MPPED1: variants seen among roughly 807,000 people sequenced by gnomAD.
MPPED1 encodes metallophosphoesterase domain-containing protein 1.
Under a neutral mutation model 36.2 loss-of-function variants are expected in MPPED1, and 16 were observed. That is an observed-to-expected ratio of 0.44 (90% CI 0.30 to 0.67). The LOEUF (loss-of-function observed/expected upper bound fraction) is 0.67, where lower values mean the gene tolerates loss of function less well. Ranked by LOEUF, MPPED1 falls within the 30% of genes least tolerant of loss-of-function variation. The pLI is 0.10. For missense variants in MPPED1, 307 were observed against 453.4 expected (o/e 0.68, Z 2.93); for synonymous variants, 199 against 191.3 (o/e 1.04, Z -0.33).
At chr22:43,481,207 G>A (rs1420623513) in intron 4 of MPPED1, among the ~76,000 whole-genome samples, 1 of 152,134 alleles carries the variant, frequency 6.6e-6, no homozygotes, top group East Asian at 1.9e-4. Context: ...TTGTGTTGAT[G>A]GTGTGAGATA....
intron 2 of MPPED1, 27 bp downstream of exon 2, chr22:43,425,236 G>GGGGGT: frequency 6.4e-7 from 1 of 1,568,412 alleles, no homozygotes; most frequent in Non-Finnish European, 8.7e-7. Flanking sequence ...GGGTGGGGGT[G>GGGGGT]GGGGCGGTGA....
intron 1 of MPPED1, among the ~76,000 whole-genome samples, chr22:43,421,916 T>C (rs1396257177): frequency 6.6e-6 from 1 of 152,212 alleles, no homozygotes; most frequent in Non-Finnish European, 1.5e-5. Flanking sequence ...CTCTACAAGG[T>C]AGGGACTGTT....
intron 2 of MPPED1, among the ~76,000 whole-genome samples, chr22:43,429,575 C>T (rs1163915815): frequency 6.6e-6 from 1 of 152,282 alleles, no homozygotes; most frequent in Admixed American, 6.5e-5. Context: ...CGCTCCAGCT[C>T]TAGGTGCTCA....
At chr22:43,435,254 C>T (rs1317871907) in intron 3 of MPPED1, 39 bp downstream of exon 3, 1 of 1,567,696 alleles carries the variant, frequency 6.4e-7, no homozygotes, top group Admixed American at 1.8e-5. Flanking sequence ...CTGTGCTGAG[C>T]AGGAAGGGGG....
chr22:43,437,339 A>G (rs1389100053), intron 3 of MPPED1, among the ~76,000 whole-genome samples: 3 of 152,150 alleles, frequency 2.0e-5, no homozygotes, highest in Non-Finnish European at 2.9e-5. Flanking sequence ...TACCCTTCGC[A>G]TGTATTAGTA....
chr22:43,484,827 T>C (rs561699228), intron 4 of MPPED1, among the ~76,000 whole-genome samples: 290 of 152,188 alleles, frequency 1.9e-3, no homozygotes, highest in Middle Eastern at 0.01. Flanking sequence ...GTACGTGCCA[T>C]GGATGAGGGG....
At chr22:43,438,010 A>C (rs368427469) in intron 3 of MPPED1, among the ~76,000 whole-genome samples, 2 of 152,120 alleles carry the variant, frequency 1.3e-5, no homozygotes, top group East Asian at 3.9e-4. Context: ...AAGAGACTGG[A>C]AAGAAACATT....
At chr22:43,415,251 A>C (rs1929040803) in intron 1 of MPPED1, among the ~76,000 whole-genome samples, 1 of 148,998 alleles carries the variant, frequency 6.7e-6, no homozygotes, top group Admixed American at 6.7e-5. Flanking sequence ...AAAAAAAGGA[A>C]AGAAACAAAA....
chr22:43,428,536 G>T (rs76990831), intron 2 of MPPED1, among the ~76,000 whole-genome samples: 4,625 of 152,298 alleles, frequency 0.03, 272 homozygotes, highest in African/African-American at 0.11. Flanking sequence ...TCCCAGGAGC[G>T]GTGGGGGGAT....
At chr22:43,500,584 C>A (rs2146926476) in intron 5 of MPPED1, among the ~76,000 whole-genome samples, 1 of 152,034 alleles carries the variant, frequency 6.6e-6, no homozygotes, top group Non-Finnish European at 1.5e-5. Context: ...TCCCTCAGTC[C>A]TCTGAATGAA....
Position 43,463,815 on chromosome 22 carries a change from C to CTTTCTTTT in MPPED1, c.407-10914_407-10913insTTTTCTTT, listed in dbSNP as rs1377538955. ...TGATTTTTCATTTTTTCTTTTCTTT[C>CTTTCTTTT]TTTCTTTCTTTCTTTCTTTCTTTCT... On this transcript the variant is annotated intron_variant, in intron 3 of 6. Coordinates refer to ENST00000443721, the MANE Select transcript of MPPED1 (RefSeq NM_001044370.2). Among the ~76,000 whole-genome samples, 110 of 47,982 alleles carry CTTTCTTTT rather than the reference C, an allele frequency of 2.3e-3. 1 individual carries two copies. The highest frequency in any genetic ancestry group is 5.1e-3 in the African/African-American group (57 of 11,186). The allele number at this position is 47,982 out of a possible 152,430, so 31.5% of individuals were successfully genotyped here.
chr22:43,462,738 C>T (rs552812448), intron 3 of MPPED1, among the ~76,000 whole-genome samples: 2 of 152,292 alleles, frequency 1.3e-5, no homozygotes, highest in African/African-American at 4.8e-5. Context: ...AGGCTTACCT[C>T]CTGGAGCCTC....
intron 3 of MPPED1, among the ~76,000 whole-genome samples, chr22:43,446,429 ATGGGGAAGGGCCGGACCCTC>A (rs1569072649): frequency 1.3e-5 from 2 of 152,002 alleles, no homozygotes; most frequent in African/African-American, 4.8e-5. Flanking sequence ...ACATGAAGGG[ATGGGGAAGGGCCGGACCCTC>A]TGCTGAGGGG....
chr22:43,452,697 A>G (rs1382919303), intron 3 of MPPED1, among the ~76,000 whole-genome samples: 1 of 149,900 alleles, frequency 6.7e-6, no homozygotes, highest in African/African-American at 2.5e-5. Context: ...TGGCATGATC[A>G]CGGCTCACTG....
intron 3 of MPPED1, among the ~76,000 whole-genome samples, chr22:43,457,430 T>C (rs1172132198): frequency 6.6e-6 from 1 of 152,158 alleles, no homozygotes; most frequent in Non-Finnish European, 1.5e-5. Context: ...ATAAACAGCA[T>C]ATAATTGGAT....
At chr22:43,505,434 A>G (rs1232656603) in intron 6 of MPPED1, 64 bp from the exon 7 acceptor site, 3 of 1,460,478 alleles carry the variant, frequency 2.1e-6, no homozygotes, top group Non-Finnish European at 2.8e-6. Context: ...TATGACTGCC[A>G]CACCCCCCTG....
At chr22:43,454,375 G>A (rs1378400557) in intron 3 of MPPED1, among the ~76,000 whole-genome samples, 2 of 152,114 alleles carry the variant, frequency 1.3e-5, no homozygotes, top group Admixed American at 1.3e-4. Flanking sequence ...GGTGTTCTTG[G>A]TTCACTGCAG....
At position 43,475,951 on chromosome 22, in the gene MPPED1, G is replaced by T. The variant is rs192936388; in HGVS notation, c.632+990G>T. On this transcript the variant is annotated intron_variant, in intron 4 of 6. Transcript: ENST00000443721. ...GATGGTGGTATGGTGATGATGTGAT[G>T]ATGGTAATGAGGATGATTACGGTGG... Among the ~76,000 whole-genome samples, 30 of 99,548 alleles carry T rather than the reference G, an allele frequency of 3.0e-4. No homozygotes were observed. The East Asian group carries it at 0.01, about 34-fold the overall frequency. The allele number at this position is 99,548 out of a possible 152,430, so 65.3% of individuals were successfully genotyped here.
intron 4 of MPPED1, among the ~76,000 whole-genome samples, chr22:43,477,185 C>G (rs2146888729): frequency 6.6e-6 from 1 of 152,338 alleles, no homozygotes; most frequent in East Asian, 1.9e-4. Context: ...GTCTGAACCT[C>G]TGTTATGTGT....
Sources: allele counts gnomAD v4.1 joint callset (sites outside exome capture counted in the v4.1 genomes callset), GRCh38; gene constraint gnomAD v4.1.1; transcripts MANE v1.5; gene names NCBI Gene and HGNC (gene_info 2026-07-23, HGNC 2026-07-21).